Variants in CLVS1 observed in about 807,000 individuals in gnomAD.
CLVS1 encodes the protein clavesin 1.
Under a neutral mutation model 33.1 loss-of-function variants are expected in CLVS1, and 10 were observed. The observed-to-expected ratio is 0.30, with a 90% CI of 0.19 to 0.51. The LOEUF (loss-of-function observed/expected upper bound fraction) is 0.51, where lower values mean the gene tolerates loss of function less well. Ranked by LOEUF, CLVS1 falls within the 20% of genes least tolerant of loss-of-function variation. CLVS1 has a pLI of 0.97. For synonymous variants in CLVS1, 163 were observed against 166.1 expected, an observed-to-expected ratio of 0.98 and a Z score of 0.14; for missense variants, 343 against 433.4, an observed-to-expected ratio of 0.79 and a Z score of 1.85.
chr8:61,387,681 T>A (rs2129602450), intron 3 of CLVS1, among the ~76,000 whole-genome samples: 1 of 152,218 alleles, frequency 6.6e-6, no homozygotes, highest in East Asian at 1.9e-4. Context: ...TTCTCATGCC[T>A]TTGCATCCTG....
chr8:61,355,418 T>TTTA (rs1255771543), intron 2 of CLVS1, among the ~76,000 whole-genome samples: 2 of 152,082 alleles, frequency 1.3e-5, no homozygotes, highest in South Asian at 2.1e-4. Flanking sequence ...TTTTCTTTTT[T>TTTA]TTATTATTAT....
chr8:61,033,528 G>C, the CLVS1 span, among the ~76,000 whole-genome samples: 37 of 152,308 alleles, frequency 2.4e-4, no homozygotes, highest in African/African-American at 7.5e-4. Context: ...ACTGGGTGAG[G>C]GGGGAAACCT....
intron 2 of CLVS1, among the ~76,000 whole-genome samples, chr8:61,357,494 C>CTTTTTTCTTTTTTTTTTT (rs1812776886): frequency 3.9e-5 from 1 of 25,804 alleles, no homozygotes; most frequent in African/African-American, 9.9e-5. Flanking sequence ...TTTTTCTTTT[C>CTTTTTTCTTTTTTTTTTT]TTTTTTTTTT....
intron 2 of CLVS1, among the ~76,000 whole-genome samples, chr8:61,207,227 C>T (rs1439467446): frequency 7.3e-6 from 1 of 136,564 alleles, no homozygotes; most frequent in Non-Finnish European, 1.5e-5. Context: ...GCTTCTGAGC[C>T]ATGCTGTGCA....
At chr8:61,385,803 G>A (rs1009764358) in intron 3 of CLVS1, among the ~76,000 whole-genome samples, 1 of 152,150 alleles carries the variant, frequency 6.6e-6, no homozygotes, top group African/African-American at 2.4e-5. Context: ...TTCTTGGCAG[G>A]AGTGAGGGGA....
At chr8:61,068,223 G>GTATATATATATATATATATATATATATA (rs71521932) in intron 1 of CLVS1, among the ~76,000 whole-genome samples, 1 of 105,184 alleles carries the variant, frequency 9.5e-6, no homozygotes, top group African/African-American at 5.3e-5. Flanking sequence ...ATATATGTAT[G>GTATATATATATATATATATATATATATA]TATGTGTATA....
In CLVS1 at chr8:61,250,412, G is replaced by A. The variant is rs185767128; in HGVS notation, c.-151-49265G>A. 2.4e-3 allele frequency among the ~76,000 whole-genome samples: 366 copies of A among 152,218 alleles called. 1 individual carries two copies. Among genetic ancestry groups the A allele is most frequent in the African/African-American group, 8.5e-3 (351 of 41,526 alleles). On this transcript the variant is annotated intron_variant, in intron 2 of 2. Transcript: ENST00000522621. ...TCTTGGCAATGTGGGCTCTTTTTTG[G>A]TTCCATATGAAGTTTAAAGTAGTTT...
At chr8:61,268,353 T>C (rs1312246652) in intron 2 of CLVS1, among the ~76,000 whole-genome samples, 8 of 151,542 alleles carry the variant, frequency 5.3e-5, no homozygotes, top group Admixed American at 5.3e-4. Context: ...AACTCATCAT[T>C]TTTTATGGCT....
intron 3 of CLVS1, among the ~76,000 whole-genome samples, chr8:61,450,776 A>G (rs952873076): frequency 1.3e-5 from 2 of 152,212 alleles, no homozygotes; most frequent in East Asian, 1.9e-4. Context: ...TTTAAAAAGG[A>G]CAGAAAAAAA....
At chr8:61,114,009 G>T (rs1805674917) in intron 1 of CLVS1, among the ~76,000 whole-genome samples, 1 of 152,336 alleles carries the variant, frequency 6.6e-6, no homozygotes, top group East Asian at 1.9e-4. Context: ...AGGCCTTGTG[G>T]CCCTGTATCA....
chr8:61,334,565 A>C (rs1811716829), intron 2 of CLVS1, among the ~76,000 whole-genome samples: 1 of 152,214 alleles, frequency 6.6e-6, no homozygotes, highest in South Asian at 2.1e-4. Context: ...CCATATGAGT[A>C]AGCAAGACAG....
intron 2 of CLVS1, among the ~76,000 whole-genome samples, chr8:61,185,996 C>T (rs897802846): frequency 2.6e-5 from 4 of 152,116 alleles, no homozygotes; most frequent in East Asian, 1.9e-4. Context: ...GTTCTGTATA[C>T]GCCATGGAGA....
the CLVS1 span, among the ~76,000 whole-genome samples, chr8:60,974,233 T>C: frequency 6.6e-6 from 1 of 152,174 alleles, no homozygotes; most frequent in Non-Finnish European, 1.5e-5. Context: ...ATGGGGGCAC[T>C]CCCCAAGTCC....
intron 2 of CLVS1, among the ~76,000 whole-genome samples, chr8:61,161,737 G>C (rs193028412): frequency 1.4e-3 from 212 of 152,334 alleles, no homozygotes; most frequent in Non-Finnish European, 2.3e-3. Flanking sequence ...CATCATGACT[G>C]TTGTCAATAG....
At chr8:61,354,458 A>T (rs1489825854) in intron 2 of CLVS1, among the ~76,000 whole-genome samples, 1 of 152,096 alleles carries the variant, frequency 6.6e-6, no homozygotes, top group Non-Finnish European at 1.5e-5. Context: ...TACCATACAG[A>T]CCAGAAATTA....
chr8:61,060,037 C>T (rs765046724), intron 1 of CLVS1, among the ~76,000 whole-genome samples: 12 of 152,036 alleles, frequency 7.9e-5, no homozygotes, highest in Admixed American at 1.3e-4. Flanking sequence ...AGTGCCCTGG[C>T]GATTCCGGAA....
chr8:61,339,347 A>G (rs1168653280), intron 2 of CLVS1, among the ~76,000 whole-genome samples: 3 of 152,180 alleles, frequency 2.0e-5, no homozygotes, highest in Non-Finnish European at 4.4e-5. Context: ...GAGGTCTAGG[A>G]GTCAGGTTTT....
chr8:61,229,207 A>C (rs1808385915), intron 2 of CLVS1, among the ~76,000 whole-genome samples: 1 of 152,212 alleles, frequency 6.6e-6, no homozygotes, highest in African/African-American at 2.4e-5. Flanking sequence ...GGTTTGTCTC[A>C]TCTACTCACT....
chr8:61,251,363 C>T (rs757586349), intron 2 of CLVS1, among the ~76,000 whole-genome samples: 21 of 151,904 alleles, frequency 1.4e-4, no homozygotes, highest in East Asian at 3.9e-4. Context: ...GGGATATTGG[C>T]GTGAAATTTT....
Sources: allele counts gnomAD v4.1 joint callset (sites outside exome capture counted in the v4.1 genomes callset), GRCh38; gene constraint gnomAD v4.1.1; transcripts MANE v1.5; gene names NCBI Gene and HGNC (gene_info 2026-07-23, HGNC 2026-07-21).